Variants in ENDOV observed in about 807,000 individuals in gnomAD.
The protein encoded by ENDOV is hEndoV.
A neutral mutation model predicts 39.4 loss-of-function variants in ENDOV; 37 were observed. The ratio of observed to expected loss-of-function variants is 0.94; its 90% CI spans 0.72 to 1.23. The LOEUF (loss-of-function observed/expected upper bound fraction) is 1.23. ENDOV is among the 50% of genes most tolerant of loss of function. The pLI is 0.00. For synonymous variants in ENDOV, 186 were observed against 163.4 expected (o/e 1.14, Z -1.05); for missense variants, 441 against 375.7 (o/e 1.17, Z -1.44).
intron 9 of ENDOV, chr17:80,430,439 G>A: frequency 2.2e-6 from 3 of 1,368,696 alleles, no homozygotes; most frequent in Non-Finnish European, 2.9e-6. Flanking sequence ...GCAAAATCAG[G>A]GTTCATTTTT....
At chr17:80,419,997 A>T in intron 2 of ENDOV, 1 of 311,996 alleles carries the variant, frequency 3.2e-6, no homozygotes, top group Non-Finnish European at 6.2e-6. Flanking sequence ...ATGTACATAC[A>T]TCCCCCCAAA....
chr17:80,436,415 A>G lies in ENDOV; in HGVS notation c.*272A>G, dbSNP rs1220460846. ...TGTGATGTGAGCTGTTAGATTTTCA[A>G]GGATGCTCTTCATCCAGCTGAAGAC... On this transcript the variant is annotated 3_prime_UTR_variant, in exon 10 of 10. Transcript: ENST00000518137. 3 of 1,355,086 alleles carry G rather than the reference A, an allele frequency of 2.2e-6. No individual in the cohort carries two copies. The highest frequency in any genetic ancestry group is 2.9e-5 in the African/African-American group (2 of 68,580). 83.9% of individuals were successfully genotyped at this position (1,355,086 alleles called of 1,614,324 possible).
intron 7 of ENDOV, chr17:80,427,875 C>T (rs144672054): frequency 5.2e-5 from 64 of 1,241,158 alleles, no homozygotes; most frequent in African/African-American, 1.6e-4. Context: ...CCCCGCCTAC[C>T]GCTGCCCCAC....
intron 7 of ENDOV, among the ~76,000 whole-genome samples, chr17:80,427,235 T>G (rs533085765): frequency 9.7e-4 from 148 of 152,300 alleles, no homozygotes; most frequent in Middle Eastern, 3.4e-3. Flanking sequence ...TCTTCCTCCA[T>G]TCCAACTCAG....
rs761422870 is a variant in ENDOV at position 80,421,832 on chromosome 17, T to C, written c.233T>C (p.Val78Ala). The C allele has an allele frequency of 1.3e-6, 2 of 1,596,002 alleles. No individual in the cohort carries two copies. Among genetic ancestry groups the C allele is most frequent in the Non-Finnish European group, 1.7e-6 (2 of 1,171,930 alleles). The change falls in exon 3 of 10, where the codon GTG (valine) becomes GCG (alanine). Residue 78 changes from valine (V) to alanine (A), a missense_variant. Val to Ala is a moderately conservative substitution (Grantham distance 64, BLOSUM62 0). Coordinates refer to ENST00000518137, the MANE Select transcript of ENDOV (RefSeq NM_173627.5). ...GAGCTGCGTGCCTGGTGTCAGGTGG[T>C]GTATGAGGAGAGCCGCATGGTCAGC... ...VVLSFPELEV[V>A]YEESRMVSLT...
chr17:80,430,879 C>T (rs962831533), intron 9 of ENDOV, among the ~76,000 whole-genome samples: 2 of 152,172 alleles, frequency 1.3e-5, no homozygotes, highest in Admixed American at 1.3e-4. Context: ...CCTGTCTGGC[C>T]ACTTCATCTT....
intron 7 of ENDOV, 200 bp from the exon 8 acceptor site, chr17:80,428,396 G>C (rs2082989776): frequency 6.8e-6 from 4 of 592,164 alleles, no homozygotes; most frequent in Non-Finnish European, 1.2e-5. Flanking sequence ...GCCATTGCGG[G>C]GCTTTGACCC....
chr17:80,419,724 A>C, intron 2 of ENDOV: 1 of 699,004 alleles, frequency 1.4e-6, no homozygotes, highest in South Asian at 1.5e-5. Flanking sequence ...TTCACTGGTC[A>C]GTGGCCCTCT....
chr17:80,416,041 C>T (rs997305096), intron 2 of ENDOV: 1 of 475,926 alleles, frequency 2.1e-6, no homozygotes, highest in Non-Finnish European at 3.7e-6. Flanking sequence ...AGTTCGAGAC[C>T]AGCCTGACCA....
chr17:80,433,686 A>G (rs1156252912), intron 9 of ENDOV, among the ~76,000 whole-genome samples: 6 of 152,012 alleles, frequency 3.9e-5, no homozygotes, highest in Non-Finnish European at 7.4e-5. Context: ...CCAATGACCC[A>G]CCTCTGTGAG....
At chr17:80,418,083 C>G (rs928899910) in intron 2 of ENDOV, 6 of 152,094 alleles carry the variant, frequency 3.9e-5, no homozygotes, top group Non-Finnish European at 7.4e-5. Flanking sequence ...CTAAGAGGTC[C>G]CCTGGCCATT....
intron 2 of ENDOV, among the ~76,000 whole-genome samples, chr17:80,421,459 C>T (rs1015777965): frequency 2.5e-5 from 3 of 119,730 alleles, no homozygotes; most frequent in Non-Finnish European, 3.4e-5. Flanking sequence ...GGACCGGGTC[C>T]GGGGTGGGGG....
chr17:80,422,401 C>T (rs1198689335), intron 4 of ENDOV, among the ~76,000 whole-genome samples, 156 bp downstream of exon 4: 3 of 150,968 alleles, frequency 2.0e-5, no homozygotes, highest in Non-Finnish European at 3.0e-5. Context: ...ACGCGCAGTG[C>T]GCTCAGCCCC....
In ENDOV at chr17:80,429,842, GC is replaced by G; in HGVS notation, c.838+16del. On this transcript the variant is annotated intron_variant, in intron 9 of 9. Coordinates refer to ENST00000518137, the MANE Select transcript of ENDOV (RefSeq NM_173627.5). The stretch of plus-strand genomic sequence containing the variant: ...CCGGAGAGTCCTCAGGTGAGGGCCA[GC>G]CCCCACAGGACCACAGCCCAGGCCC... 6.2e-7 allele frequency: 1 copy of G among 1,612,750 alleles called. No individual in the cohort carries two copies. Among genetic ancestry groups the G allele is most frequent in the South Asian group, 1.1e-5 (1 of 91,084 alleles).
intron 9 of ENDOV, among the ~76,000 whole-genome samples, chr17:80,431,581 A>G (rs2083331994): frequency 6.6e-6 from 1 of 152,176 alleles, no homozygotes; most frequent in Admixed American, 6.5e-5. Flanking sequence ...GAACCAGATG[A>G]GCAGTGTGGG....
intron 9 of ENDOV, 187 bp downstream of exon 9, chr17:80,430,018 G>A (rs779330602): frequency 2.6e-6 from 4 of 1,536,492 alleles, no homozygotes; most frequent in Non-Finnish European, 3.5e-6. Context: ...TAGGGACTTA[G>A]GGGAACCTCA....
chr17:80,419,317 G>T, intron 2 of ENDOV: 1 of 435,006 alleles, frequency 2.3e-6, no homozygotes, highest in Non-Finnish European at 4.1e-6. Context: ...CCACTGGCCT[G>T]CTTTTCCCAC....
intron 2 of ENDOV, chr17:80,420,105 G>T: frequency 5.0e-6 from 1 of 198,608 alleles, no homozygotes; most frequent in Non-Finnish European, 1.1e-5. Context: ...CTCTTTGTGT[G>T]CGTGTGTACC....
At chr17:80,415,514 C>T (rs767047565) in intron 1 of ENDOV, 136 bp from the exon 2 acceptor site, 21 of 1,205,320 alleles carry the variant, frequency 1.7e-5, no homozygotes, top group East Asian at 5.1e-5. Context: ...ACTGTGGCCT[C>T]GGCGGTATGT....
Sources: allele counts gnomAD v4.1 joint callset (sites outside exome capture counted in the v4.1 genomes callset), GRCh38; gene constraint gnomAD v4.1.1; transcripts MANE v1.5; gene names NCBI Gene and HGNC (gene_info 2026-07-23, HGNC 2026-07-21).